Variants in MREG observed in about 807,000 individuals in gnomAD.
MREG encodes melanoregulin.
In MREG, 31 loss-of-function variants were observed where a neutral mutation model predicts 28.5. The observed-to-expected ratio is 1.09, with a 90% confidence interval of 0.82 to 1.47. The LOEUF (loss-of-function observed/expected upper bound fraction) is 1.47. MREG is among the 40% of genes most tolerant of loss of function. MREG has a pLI of 0.00. For synonymous variants in MREG, 106 were observed against 95.2 expected, an observed-to-expected ratio of 1.11 and a Z score of -0.66; for missense variants, 256 against 257.4, an observed-to-expected ratio of 0.99 and a Z score of 0.04.
chr2:215,994,913 C>T (rs1693826975), intron 2 of MREG, among the ~76,000 whole-genome samples: 1 of 151,988 alleles, frequency 6.6e-6, no homozygotes, highest in Non-Finnish European at 1.5e-5. Context: ...AGACACTATA[C>T]ATTATTTCCG....
At chr2:215,978,717 G>A (rs529225178) in intron 2 of MREG, among the ~76,000 whole-genome samples, 14 of 152,208 alleles carry the variant, frequency 9.2e-5, no homozygotes, top group Non-Finnish European at 1.5e-4. Context: ...TGGGATGCAA[G>A]CCTGGTTCAG....
At chr2:215,952,783 C>T (rs1692523066) in intron 2 of MREG, among the ~76,000 whole-genome samples, 1 of 151,996 alleles carries the variant, frequency 6.6e-6, no homozygotes, top group Non-Finnish European at 1.5e-5. Flanking sequence ...CCTCTTCTTC[C>T]AGTCTAATTC....
chr2:215,999,533 T>C (rs945111060), intron 1 of MREG, among the ~76,000 whole-genome samples: 11 of 152,196 alleles, frequency 7.2e-5, no homozygotes, highest in African/African-American at 9.6e-5. Context: ...TCCATTCAAA[T>C]AGTCTTTGTT....
intron 2 of MREG, among the ~76,000 whole-genome samples, chr2:215,978,051 T>C (rs4588188): frequency 0.29 from 44,520 of 151,694 alleles, 6,685 homozygotes; most frequent in African/African-American, 0.34. Flanking sequence ...TTGAAGGAGA[T>C]AGAGAAACAA....
intron 2 of MREG, among the ~76,000 whole-genome samples, chr2:215,964,858 GATA>G (rs1692894992): frequency 7.8e-6 from 1 of 128,132 alleles, no homozygotes; most frequent in Non-Finnish European, 1.6e-5. Context: ...TAGATAGATA[GATA>G]GATAGATAGA....
chr2:215,958,230 C>T lies in MREG; in HGVS notation c.256-11117G>A, dbSNP rs190055881. Among the ~76,000 whole-genome samples, 1,152 of 151,242 alleles carry T rather than the reference C, an allele frequency of 7.6e-3. 18 individuals are homozygous for T. Among genetic ancestry groups the T allele is most frequent in the African/African-American group, 0.026 (1,076 of 41,202 alleles). ...ATGTAACAAACCTGCACGTTGTGCA[C>T]ATGTACCCTAAAACTTAAAGTATAA... On this transcript the variant is annotated intron_variant, in intron 2 of 4. Transcript: ENST00000263268.
At chr2:215,960,234 C>T (rs149588708) in intron 2 of MREG, among the ~76,000 whole-genome samples, 2,400 of 152,194 alleles carry the variant, frequency 0.016, 57 homozygotes, top group African/African-American at 0.053. Context: ...GGATTACAGG[C>T]GTAAGCCACC....
chr2:216,019,433 C>A (rs1559201241), intron 1 of MREG, among the ~76,000 whole-genome samples: 1 of 151,950 alleles, frequency 6.6e-6, no homozygotes, highest in Non-Finnish European at 1.5e-5. Context: ...GAAACAGACA[C>A]TATCTATCTG....
At chr2:215,994,395 C>G (rs1015797246) in intron 2 of MREG, among the ~76,000 whole-genome samples, 1 of 151,484 alleles carries the variant, frequency 6.6e-6, no homozygotes. Flanking sequence ...GGGAACGTCA[C>G]ACACTTGGGC....
downstream of MREG, among the ~76,000 whole-genome samples, chr2:215,941,118 TG>T (rs1692192060): frequency 6.6e-6 from 1 of 152,144 alleles, no homozygotes; most frequent in African/African-American, 2.4e-5. Flanking sequence ...GTGAATTAAA[TG>T]GAATTATGAT....
In MREG at chr2:215,974,840, AC is replaced by A. The variant is rs1204624556; in HGVS notation, c.255+21465del. 5.6e-3 allele frequency among the ~76,000 whole-genome samples: 825 copies of A among 146,660 alleles called. 7 individuals are homozygous for A. Among genetic ancestry groups the A allele is most frequent in the African/African-American group, 0.02 (790 of 39,660 alleles). On this transcript the variant is annotated intron_variant, in intron 2 of 4. Coordinates refer to ENST00000263268, the MANE Select transcript of MREG (RefSeq NM_018000.3). ...CACACACACAGACACACACACACACACACACACACACACTCTCTCTCTCTCT... is the reference window on the plus strand; with the variant it reads ...CACACACACAGACACACACACACACAACACACACACACTCTCTCTCTCTCT...
chr2:216,013,244 CT>C lies in MREG; in HGVS notation c.83del (p.Glu28GlyfsTer18). ...CLEERALPEK[E>X]PLVSDNNPYS... ...GGCGGCGCACCCACCTGACGAGGGGCTCCTTCTCAGGCAGGGCGCGCTCCTC... is the reference window on the plus strand; with the variant it reads ...GGCGGCGCACCCACCTGACGAGGGGCCCTTCTCAGGCAGGGCGCGCTCCTC... On this transcript the variant is annotated frameshift_variant, in exon 1 of 5. Transcript: ENST00000263268. LOFTEE classifies it high-confidence loss of function. 6.5e-7 allele frequency: 1 copy of C among 1,549,490 alleles called. No individual in the cohort carries two copies. Among genetic ancestry groups the C allele is most frequent in the Non-Finnish European group, 8.7e-7 (1 of 1,146,666 alleles).
intron 2 of MREG, among the ~76,000 whole-genome samples, chr2:215,983,997 G>A (rs907905455): frequency 6.6e-6 from 1 of 152,164 alleles, no homozygotes; most frequent in Non-Finnish European, 1.5e-5. Flanking sequence ...CTATTTTCAT[G>A]CTGCTGATAA....
intron 2 of MREG, among the ~76,000 whole-genome samples, chr2:215,953,180 T>C (rs1692532431): frequency 6.6e-6 from 1 of 152,268 alleles, no homozygotes; most frequent in South Asian, 2.1e-4. Context: ...AGTAATATGA[T>C]GTTTTCTTTG....
Position 215,947,077 on chromosome 2 carries a change from G to T in MREG, c.292C>A (p.Arg98=). ...QKLNYDIHTL[R]QVRREVRNRW... ...TTTCTTACTTCCCTTCGAACCTGCCGCAGGGTATGGATATCATAGTTGAGC... is the reference window on the plus strand; with the variant it reads ...TTTCTTACTTCCCTTCGAACCTGCCTCAGGGTATGGATATCATAGTTGAGC... The change falls in exon 3 of 5, where the codon CGG becomes AGG. Residue 98 remains arginine, a synonymous_variant. Coordinates refer to ENST00000263268, the MANE Select transcript of MREG (RefSeq NM_018000.3). 3 of 1,612,728 alleles carry T rather than the reference G, an allele frequency of 1.9e-6. No homozygotes were observed. Among genetic ancestry groups the T allele is most frequent in the East Asian group, 4.5e-5 (2 of 44,862 alleles).
rs1694375492 is a variant in MREG, at chr2:216,013,522, T to C, written c.-195A>G. The C allele has an allele frequency of 1.1e-5, 2 of 176,940 alleles. No homozygotes were observed. Among genetic ancestry groups the C allele is most frequent in the South Asian group, 3.9e-4 (2 of 5,110 alleles). The allele number at this position is 176,940 out of a possible 1,614,324, so 11.0% of individuals were successfully genotyped here. On this transcript the variant is annotated 5_prime_UTR_variant, in exon 1 of 5. Transcript: ENST00000263268. ...GGGCTGCAGGCCGCGCGCCCTCCTC[T>C]CCTTGCGTTTTGTTTGGGGCGTGAG...
rs902957639 is a variant in MREG at position 215,942,630 on chromosome 2, C to T, written c.*2233G>A. Among the ~76,000 whole-genome samples, 1 of 152,160 alleles carries T rather than the reference C, an allele frequency of 6.6e-6. No homozygotes were observed. Among genetic ancestry groups the T allele is most frequent in the African/African-American group, 2.4e-5 (1 of 41,434 alleles). On this transcript the variant is annotated 3_prime_UTR_variant, in exon 5 of 5. Transcript: ENST00000263268. ...TTTTAATTCCTTGTAAGGAAAATTT[C>T]CTGGATAATTCCATGTATTTTAATA...
chr2:215,985,878 T>C (rs1693555562), intron 2 of MREG, among the ~76,000 whole-genome samples: 1 of 152,198 alleles, frequency 6.6e-6, no homozygotes, highest in Admixed American at 6.5e-5. Context: ...CCTTGTTCCT[T>C]AGTAAGTGAA....
Position 215,998,284 on chromosome 2 carries a change from G to A in MREG, c.96-1819C>T, listed in dbSNP as rs1320129336. Among the ~76,000 whole-genome samples, 6 of 146,434 alleles carry A rather than the reference G, an allele frequency of 4.1e-5. No homozygotes were observed. In the East Asian group the frequency reaches 5.9e-4, roughly 14 times the overall value. On this transcript the variant is annotated intron_variant, in intron 1 of 4. Transcript: ENST00000263268. ...CGCGCCATTGTACTCCAGTCTGGGCGACAAGAGCAAAACTCCATCTCACAA... is the reference window on the plus strand; with the variant it reads ...CGCGCCATTGTACTCCAGTCTGGGCAACAAGAGCAAAACTCCATCTCACAA...
Sources: allele counts gnomAD v4.1 joint callset (sites outside exome capture counted in the v4.1 genomes callset), GRCh38; gene constraint gnomAD v4.1.1; transcripts MANE v1.5; gene names NCBI Gene and HGNC (gene_info 2026-07-23, HGNC 2026-07-21).